Variants in CTNNA3 observed in about 807,000 individuals in gnomAD.
The protein encoded by CTNNA3 is catenin alpha 3, also known as catenin alpha-3.
CTNNA3 carries 76 observed loss-of-function variants against 95.7 expected under a neutral mutation model. The ratio of observed to expected loss-of-function variants is 0.79; its 90% CI spans 0.66 to 0.96. The LOEUF is 0.96. CTNNA3 is among the 40% of genes least tolerant of loss of function. The probability of loss-of-function intolerance (pLI) is 0.00; values close to 1 mark genes in which losing one functional copy is unlikely to be tolerated. For missense variants in CTNNA3, 1,191 were observed against 1,089.8 expected (o/e 1.09, Z -1.31); for synonymous variants, 431 against 374.4 (o/e 1.15, Z -1.74).
At chr10:66,247,991 G>A (rs1389081597) in intron 13 of CTNNA3, among the ~76,000 whole-genome samples, 21 of 152,130 alleles carry the variant, frequency 1.4e-4, no homozygotes, top group Non-Finnish European at 8.8e-5. Context: ...CCTATTTTAT[G>A]TATTAGGTAA....
chr10:66,894,106 T>C (rs1056534858), intron 7 of CTNNA3, among the ~76,000 whole-genome samples: 1 of 152,052 alleles, frequency 6.6e-6, no homozygotes, highest in Non-Finnish European at 1.5e-5. Context: ...AACAAAAATA[T>C]TAATTAGGTG....
intron 12 of CTNNA3, among the ~76,000 whole-genome samples, chr10:66,355,638 T>A (rs2092602866): frequency 6.6e-6 from 1 of 152,128 alleles, no homozygotes; most frequent in Non-Finnish European, 1.5e-5. Flanking sequence ...GAGTATGATA[T>A]GATATGCAAA....
At chr10:66,264,140 G>A (rs1217199631) in intron 13 of CTNNA3, among the ~76,000 whole-genome samples, 1 of 151,912 alleles carries the variant, frequency 6.6e-6, no homozygotes, top group Non-Finnish European at 1.5e-5. Flanking sequence ...CCCAATGGCT[G>A]ATATAATATA....
chr10:67,408,481 G>A (rs984634226), intron 5 of CTNNA3, among the ~76,000 whole-genome samples: 2 of 152,084 alleles, frequency 1.3e-5, no homozygotes, highest in Admixed American at 1.3e-4. Flanking sequence ...AATGAGGAAT[G>A]GGGAAAGGAT....
intron 5 of CTNNA3, among the ~76,000 whole-genome samples, chr10:67,424,992 C>T (rs957215806): frequency 7.9e-5 from 12 of 152,148 alleles, no homozygotes; most frequent in African/African-American, 2.4e-4. Context: ...GAAATGTTTT[C>T]GGAATTAACT....
chr10:66,440,816 A>G (rs866803960), intron 11 of CTNNA3, among the ~76,000 whole-genome samples: 1 of 152,120 alleles, frequency 6.6e-6, no homozygotes, highest in South Asian at 2.1e-4. Context: ...AATTAAAGAG[A>G]TTAGATTAGG....
chr10:66,481,572 C>G lies in CTNNA3; in HGVS notation c.1531+39045G>C, dbSNP rs893863546. Among the ~76,000 whole-genome samples the G allele has an allele frequency of 2.2e-5, 3 of 135,128 alleles. 1 individual carries two copies. The highest frequency in any genetic ancestry group is 9.8e-5 in the African/African-American group (3 of 30,634). The allele number at this position is 135,128 out of a possible 152,430, so 88.6% of individuals were successfully genotyped here. On this transcript the variant is annotated intron_variant, in intron 11 of 17. Transcript: ENST00000433211. ...CTGCAAGCTCCGCCTCCCGGGTTCA[C>G]GCCATTCTCCTGCCTCAGCCTCCCG...
At chr10:66,332,583 G>C (rs1209081433) in intron 12 of CTNNA3, among the ~76,000 whole-genome samples, 1 of 152,048 alleles carries the variant, frequency 6.6e-6, no homozygotes, top group Non-Finnish European at 1.5e-5. Flanking sequence ...AAGCCCACTT[G>C]ATCATGGTGG....
In CTNNA3 at chr10:67,585,197, T is replaced by C. The variant is rs569182572; in HGVS notation, c.292+21660A>G. On this transcript the variant is annotated intron_variant, in intron 3 of 17. Coordinates refer to ENST00000433211, the MANE Select transcript of CTNNA3 (RefSeq NM_013266.4). The stretch of plus-strand genomic sequence containing the variant: ...TTCCTATTTGGCCATCTTGGAACCC[T>C]TAATCCAGTGTAATATATTTTTGAT... Among the ~76,000 whole-genome samples the C allele has an allele frequency of 2.0e-5, 3 of 152,308 alleles. No individual in the cohort carries two copies. In the South Asian group the frequency reaches 6.2e-4, roughly 32 times the overall value.
intron 7 of CTNNA3, among the ~76,000 whole-genome samples, chr10:66,868,976 A>C (rs1844294154): frequency 6.6e-6 from 1 of 152,144 alleles, no homozygotes; most frequent in Middle Eastern, 3.2e-3. Flanking sequence ...ATAAGAGACA[A>C]AATGTAAATT....
intron 5 of CTNNA3, among the ~76,000 whole-genome samples, chr10:67,309,067 C>T (rs1840675727): frequency 6.6e-6 from 1 of 152,176 alleles, no homozygotes; most frequent in Non-Finnish European, 1.5e-5. Context: ...AGATAAATAG[C>T]ACCATTACAA....
intron 5 of CTNNA3, among the ~76,000 whole-genome samples, chr10:67,513,376 C>T (rs771127775): frequency 9.9e-5 from 15 of 152,198 alleles, no homozygotes; most frequent in Non-Finnish European, 1.6e-4. Flanking sequence ...CTTTGTTGTA[C>T]ATTTCTGTGA....
intron 7 of CTNNA3, among the ~76,000 whole-genome samples, chr10:67,111,673 ATAT>A (rs1200354925): frequency 3.9e-5 from 6 of 151,996 alleles, no homozygotes; most frequent in African/African-American, 1.4e-4. Context: ...ACTTAATATA[ATAT>A]TATTATAATA....
At chr10:67,557,373 A>G (rs1216589472) in intron 3 of CTNNA3, among the ~76,000 whole-genome samples, 2 of 152,138 alleles carry the variant, frequency 1.3e-5, no homozygotes, top group African/African-American at 4.8e-5. Context: ...ATGATTTTTA[A>G]CTTTCACCAT....
At chr10:66,983,871 G>A (rs949783297) in intron 7 of CTNNA3, among the ~76,000 whole-genome samples, 3 of 152,212 alleles carry the variant, frequency 2.0e-5, no homozygotes, top group Admixed American at 1.3e-4. Flanking sequence ...AATAGCTAAT[G>A]TTTTAGCACT....
At chr10:67,279,248 T>C (rs2132438169) in intron 5 of CTNNA3, among the ~76,000 whole-genome samples, 1 of 152,274 alleles carries the variant, frequency 6.6e-6, no homozygotes, top group South Asian at 2.1e-4. Context: ...TCTATTAGTA[T>C]ACATACATTA....
chr10:66,682,102 A>G (rs1847086493), intron 9 of CTNNA3, among the ~76,000 whole-genome samples: 1 of 152,198 alleles, frequency 6.6e-6, no homozygotes, highest in Admixed American at 6.5e-5. Context: ...GATCCTATTA[A>G]GTTTCAAATA....
At chr10:67,219,977 TGAA>T (rs1864577014) in intron 5 of CTNNA3, 107 bp from the exon 6 acceptor site, 1 of 866,190 alleles carries the variant, frequency 1.2e-6, no homozygotes, top group South Asian at 1.9e-5. Flanking sequence ...ATAATAGACA[TGAA>T]GAAGTCAGCT....
At chr10:66,043,209 G>C (rs937131149) in intron 15 of CTNNA3, among the ~76,000 whole-genome samples, 2 of 149,982 alleles carry the variant, frequency 1.3e-5, no homozygotes, top group African/African-American at 4.9e-5. Flanking sequence ...ATGATTTAAT[G>C]GCAATGCTAA....
Sources: gnomAD v4.1 joint callset for allele counts (sites outside exome capture counted in the v4.1 genomes callset) on GRCh38, gnomAD v4.1.1 for gene constraint, MANE v1.5 for transcripts, NCBI Gene and HGNC (gene_info 2026-07-23, HGNC 2026-07-21) for gene names.